Variants in LRRC4C observed in about 807,000 individuals in gnomAD.
LRRC4C encodes the protein leucine-rich repeat-containing protein 4C.
LRRC4C carries 5 observed loss-of-function variants against 33.6 expected under a neutral mutation model. The observed-to-expected ratio is 0.15, with a 90% CI of 0.08 to 0.31. The LOEUF is 0.31. LRRC4C is among the 10% of genes least tolerant of loss of function. The pLI is 1.00. For missense variants in LRRC4C, 560 were observed against 796.7 expected, an observed-to-expected ratio of 0.70 and a Z score of 3.58; for synonymous variants, 329 against 302.0, an observed-to-expected ratio of 1.09 and a Z score of -0.93.
chr11:40,582,013 CA>C, intron 3 of LRRC4C, among the ~76,000 whole-genome samples: 1 of 152,004 alleles, frequency 6.6e-6, no homozygotes, highest in East Asian at 1.9e-4. Context: ...CACATTTTTC[CA>C]AGTGGAAAAG....
chr11:40,678,461 C>T (rs544584725), intron 2 of LRRC4C, among the ~76,000 whole-genome samples: 8 of 152,156 alleles, frequency 5.3e-5, no homozygotes, highest in Middle Eastern at 3.4e-3. Flanking sequence ...TTTAGGATTA[C>T]GTATTCTATA....
At chr11:40,127,668 C>T (rs1856355037) in intron 6 of LRRC4C, among the ~76,000 whole-genome samples, 1 of 152,008 alleles carries the variant, frequency 6.6e-6, no homozygotes. Context: ...AATCGACGTC[C>T]CTAGTATTGC....
intron 3 of LRRC4C, among the ~76,000 whole-genome samples, chr11:40,444,444 A>C (rs1459371124): frequency 6.7e-6 from 1 of 150,246 alleles, no homozygotes; most frequent in Admixed American, 6.6e-5. Context: ...ACAAATTGGG[A>C]TTACTTTATC....
intron 2 of LRRC4C, among the ~76,000 whole-genome samples, chr11:40,772,532 T>G (rs1252149694): frequency 6.6e-6 from 1 of 152,128 alleles, no homozygotes; most frequent in Non-Finnish European, 1.5e-5. Context: ...ATTTTAAAAA[T>G]GGGCAAAATA....
chr11:40,161,697 C>T (rs544542368), intron 5 of LRRC4C, among the ~76,000 whole-genome samples: 4 of 152,158 alleles, frequency 2.6e-5, no homozygotes, highest in Non-Finnish European at 5.9e-5. Flanking sequence ...GGAGGTTGCA[C>T]AGTGAGCCGA....
intron 3 of LRRC4C, among the ~76,000 whole-genome samples, chr11:40,543,417 C>T (rs1956800140): frequency 6.6e-6 from 1 of 152,056 alleles, no homozygotes; most frequent in African/African-American, 2.4e-5. Context: ...CAAATCTGCA[C>T]ACTTTCTGAA....
At chr11:41,448,388 C>T (rs1194826690) in intron 1 of LRRC4C, among the ~76,000 whole-genome samples, 1 of 148,598 alleles carries the variant, frequency 6.7e-6, no homozygotes, top group Admixed American at 6.8e-5. Flanking sequence ...TCACTGTAAC[C>T]TCCACCTCCC....
chr11:41,108,796 C>T (rs928334231), intron 1 of LRRC4C, among the ~76,000 whole-genome samples: 12 of 152,024 alleles, frequency 7.9e-5, no homozygotes, highest in East Asian at 1.9e-4. Context: ...TTCTTGTATG[C>T]TATGATGACT....
chr11:40,177,513 C>A (rs1392319912), intron 5 of LRRC4C, among the ~76,000 whole-genome samples: 1 of 152,080 alleles, frequency 6.6e-6, no homozygotes, highest in African/African-American at 2.4e-5. Context: ...CTTGGCATTC[C>A]ATGAATGAAC....
In LRRC4C at chr11:41,040,859, A is replaced by C. The variant is rs116399998; in HGVS notation, c.-495-107136T>G. Among the ~76,000 whole-genome samples the C allele has an allele frequency of 3.3e-3, 507 of 152,276 alleles. 4 individuals are homozygous for C. The highest frequency in any genetic ancestry group is 0.011 in the African/African-American group (455 of 41,562). ...CTTGAAGCTAAACTAAATCTCTAAG[A>C]AGCATGAGTGTCTTCCTAGTTTAAG... On this transcript the variant is annotated intron_variant, in intron 1 of 6. Coordinates refer to ENST00000528697, the MANE Select transcript of LRRC4C (RefSeq NM_001258419.2).
At chr11:41,362,579 A>G (rs1039863609) in intron 1 of LRRC4C, among the ~76,000 whole-genome samples, 1 of 151,920 alleles carries the variant, frequency 6.6e-6, no homozygotes, top group Non-Finnish European at 1.5e-5. Context: ...CTTCTTTATG[A>G]GTGATATATT....
intron 1 of LRRC4C, among the ~76,000 whole-genome samples, chr11:41,413,284 T>A (rs1346400712): frequency 6.6e-6 from 1 of 152,186 alleles, no homozygotes; most frequent in Non-Finnish European, 1.5e-5. Flanking sequence ...CAATTATCCT[T>A]CCACTCACTG....
intron 2 of LRRC4C, among the ~76,000 whole-genome samples, chr11:40,796,781 G>A (rs2135231372): frequency 6.6e-6 from 1 of 151,792 alleles, no homozygotes; most frequent in Non-Finnish European, 1.5e-5. Flanking sequence ...TGAGTAACTG[G>A]GATTACAGGC....
At chr11:41,230,920 A>T (rs1356765638) in intron 1 of LRRC4C, among the ~76,000 whole-genome samples, 1 of 151,394 alleles carries the variant, frequency 6.6e-6, no homozygotes, top group Non-Finnish European at 1.5e-5. Context: ...AAAAAAAAAA[A>T]AAACCAAACA....
chr11:40,917,043 A>C (rs1171492516), intron 2 of LRRC4C, among the ~76,000 whole-genome samples: 1 of 152,166 alleles, frequency 6.6e-6, no homozygotes, highest in African/African-American at 2.4e-5. Context: ...ATACATATAC[A>C]ATCACAAACT....
At chr11:40,947,528 A>C (rs545074978) in intron 1 of LRRC4C, among the ~76,000 whole-genome samples, 1 of 152,248 alleles carries the variant, frequency 6.6e-6, no homozygotes, top group African/African-American at 2.4e-5. Flanking sequence ...TGGTGGGAAT[A>C]GGAATTCTTC....
At chr11:41,132,663 T>C (rs1361360358) in intron 1 of LRRC4C, among the ~76,000 whole-genome samples, 1 of 152,174 alleles carries the variant, frequency 6.6e-6, no homozygotes, top group Non-Finnish European at 1.5e-5. Flanking sequence ...CTTCATTGTT[T>C]GTTTTGTTCA....
chr11:41,127,139 T>C (rs572426501), intron 1 of LRRC4C, among the ~76,000 whole-genome samples: 2 of 152,146 alleles, frequency 1.3e-5, no homozygotes, highest in African/African-American at 2.4e-5. Context: ...TTTAATTGCA[T>C]GTACCACACT....
intron 1 of LRRC4C, among the ~76,000 whole-genome samples, chr11:41,218,732 A>G (rs1309664407): frequency 6.7e-6 from 1 of 148,696 alleles, no homozygotes; most frequent in East Asian, 2.0e-4. Flanking sequence ...ACCCCAAATC[A>G]TCTTAACTTT....
Sources: gnomAD v4.1 joint callset for allele counts (sites outside exome capture counted in the v4.1 genomes callset) on GRCh38, gnomAD v4.1.1 for gene constraint, MANE v1.5 for transcripts, NCBI Gene and HGNC (gene_info 2026-07-23, HGNC 2026-07-21) for gene names.